HACE1: variants seen among roughly 807,000 people sequenced by gnomAD.
HACE1 encodes the protein E3 ubiquitin-protein ligase HACE1.
HACE1 carries 73 observed loss-of-function variants against 118.4 expected under a neutral mutation model. The ratio of observed to expected loss-of-function variants is 0.62; its 90% CI spans 0.51 to 0.75. The LOEUF (loss-of-function observed/expected upper bound fraction) is 0.75, where lower values mean the gene tolerates loss of function less well. Among genes scored for constraint, HACE1 ranks in the 30% least tolerant of loss-of-function variants. HACE1 has a pLI of 0.00. For missense variants in HACE1, 749 were observed against 1,102.2 expected (o/e 0.68, Z 4.54); for synonymous variants, 368 against 374.8 (o/e 0.98, Z 0.21).
chr6:104,758,573 C>T (rs907110276), intron 19 of HACE1, among the ~76,000 whole-genome samples: 7 of 152,136 alleles, frequency 4.6e-5, no homozygotes, highest in Non-Finnish European at 8.8e-5. Context: ...AAGTAACAAC[C>T]GGTACCAGCC....
rs746431171 is a variant in HACE1 at position 104,859,557 on chromosome 6, C to A, written c.76+10G>T. The A allele has an allele frequency of 1.3e-6, 2 of 1,514,666 alleles. No homozygotes were observed. The highest frequency in any genetic ancestry group is 1.8e-6 in the Non-Finnish European group (2 of 1,137,126). The allele number at this position is 1,514,666 out of a possible 1,614,324, so 93.8% of individuals were successfully genotyped here. On this transcript the variant is annotated intron_variant, in intron 1 of 23. Transcript: ENST00000262903. ...CCCCGCGGCCAGCCTGGCCCCGCGA[C>A]CCGGCTCACCCTCGGGCAACTCCAC... is the stretch of plus-strand genomic sequence containing the variant.
At chr6:104,788,022 T>C (rs551744914) in intron 11 of HACE1, among the ~76,000 whole-genome samples, 22 of 152,244 alleles carry the variant, frequency 1.4e-4, no homozygotes, top group South Asian at 8.3e-4. Context: ...GTTTTCTCTT[T>C]GAAGATCTAT....
intron 14 of HACE1, among the ~76,000 whole-genome samples, chr6:104,779,549 TA>T (rs1261750040): frequency 6.6e-6 from 1 of 152,174 alleles, no homozygotes; most frequent in Non-Finnish European, 1.5e-5. Flanking sequence ...ACTGTGCATA[TA>T]AATTAAATAT....
intron 17 of HACE1, among the ~76,000 whole-genome samples, chr6:104,773,817 A>G (rs1215432321): frequency 6.6e-6 from 1 of 151,604 alleles, no homozygotes; most frequent in African/African-American, 2.4e-5. Context: ...TCAGAAAAGG[A>G]GTAACAGTTT....
At chr6:104,834,896 G>A (rs562973537) in intron 5 of HACE1, among the ~76,000 whole-genome samples, 1 of 152,206 alleles carries the variant, frequency 6.6e-6, no homozygotes, top group African/African-American at 2.4e-5. Context: ...TGCAAGGCCA[G>A]TAATGGCCCC....
At chr6:104,762,218 T>C (rs1159882011) in intron 19 of HACE1, among the ~76,000 whole-genome samples, 5 of 152,208 alleles carry the variant, frequency 3.3e-5, no homozygotes, top group African/African-American at 1.2e-4. Context: ...CAAAGGATTA[T>C]AAATCACGCT....
At chr6:104,771,113 G>T in intron 19 of HACE1, 80 bp downstream of exon 19, 1 of 991,216 alleles carries the variant, frequency 1.0e-6, no homozygotes, top group Non-Finnish European at 1.6e-6. Context: ...TTCTACAAGT[G>T]CCAGAAGAAT....
chr6:104,800,580 G>C (rs1371334369), intron 7 of HACE1, among the ~76,000 whole-genome samples: 1 of 152,122 alleles, frequency 6.6e-6, no homozygotes, highest in Non-Finnish European at 1.5e-5. Flanking sequence ...AGGCAAACAG[G>C]GTCTGGAATG....
intron 6 of HACE1, among the ~76,000 whole-genome samples, chr6:104,828,221 T>C (rs1165607236): frequency 6.6e-6 from 1 of 152,020 alleles, no homozygotes; most frequent in Non-Finnish European, 1.5e-5. Flanking sequence ...TTGCTAAAAC[T>C]GAAATTAAAA....
chr6:104,859,406 G>C (rs1445474146), intron 1 of HACE1, 161 bp downstream of exon 1: 7 of 601,148 alleles, frequency 1.2e-5, no homozygotes, highest in Non-Finnish European at 2.0e-5. Context: ...TCGGGCCAGG[G>C]GAGTTCGGGG....
chr6:104,730,620 T>C (rs1473922289), intron 22 of HACE1: 3 of 556,242 alleles, frequency 5.4e-6, no homozygotes, highest in Non-Finnish European at 9.8e-6. Flanking sequence ...CCCCTCCACA[T>C]TTCCATAAGC....
chr6:104,807,752 G>A (rs770929061), intron 7 of HACE1, among the ~76,000 whole-genome samples: 2 of 152,168 alleles, frequency 1.3e-5, no homozygotes, highest in Admixed American at 6.6e-5. Context: ...GAAGGAATGA[G>A]TTAATTAGTT....
intron 22 of HACE1, among the ~76,000 whole-genome samples, chr6:104,738,730 T>C (rs1417067447): frequency 3.4e-5 from 5 of 146,722 alleles, no homozygotes; most frequent in Non-Finnish European, 7.4e-5. Flanking sequence ...TGGAACCAAG[T>C]TGGAAAACAC....
intron 18 of HACE1, among the ~76,000 whole-genome samples, chr6:104,771,644 T>C (rs1780609818): frequency 6.6e-6 from 1 of 150,746 alleles, no homozygotes; most frequent in Non-Finnish European, 1.5e-5. Context: ...AAAATGCCAA[T>C]TATCTTAAGT....
intron 20 of HACE1, among the ~76,000 whole-genome samples, chr6:104,747,288 T>C (rs1376520311): frequency 6.6e-6 from 1 of 152,134 alleles, no homozygotes. Context: ...GGTTCTATCA[T>C]GGATAAATTC....
rs1249900452 is a variant in HACE1 at position 104,740,159 on chromosome 6, T to G, written c.2513+4001A>C. ...AACATACCAGAATCTCTGGGATGCA[T>G]TCAAAGCAGTGTGTAGAGGGAAATT... On this transcript the variant is annotated intron_variant, in intron 22 of 23. Transcript: ENST00000262903. Among the ~76,000 whole-genome samples the G allele has an allele frequency of 5.5e-5, 8 of 145,400 alleles. No homozygotes were observed. In the South Asian group the frequency reaches 1.3e-3, roughly 24 times the overall value.
chr6:104,832,381 TTTGTTG>T (rs3035082), intron 6 of HACE1, among the ~76,000 whole-genome samples: 16 of 150,932 alleles, frequency 1.1e-4, no homozygotes, highest in African/African-American at 2.9e-4. Flanking sequence ...TTTCCTGTTT[TTTGTTG>T]TTGTTGTTGT....
chr6:104,833,171 T>TGA lies in HACE1; in HGVS notation c.404_405insTC (p.Trp137IlefsTer5). The TGA allele has an allele frequency of 6.2e-7, 1 of 1,613,436 alleles. No homozygotes were observed. On this transcript the variant is annotated frameshift_variant and splice_region_variant, in exon 6 of 24. Coordinates refer to ENST00000262903, the MANE Select transcript of HACE1 (RefSeq NM_020771.4). LOFTEE classifies it high-confidence loss of function. ...TCCGCCCATTCACAGCCAGCCAATG[T>TGA]ATCTGTGAAGCCATTTAGTTACTTA...
intron 19 of HACE1, among the ~76,000 whole-genome samples, chr6:104,764,348 G>A (rs1037109683): frequency 2.0e-4 from 30 of 152,166 alleles, no homozygotes; most frequent in Non-Finnish European, 3.8e-4. Flanking sequence ...AAAGTGCTGG[G>A]ATTACAGGTG....
Sources: allele counts gnomAD v4.1 joint callset (sites outside exome capture counted in the v4.1 genomes callset), GRCh38; gene constraint gnomAD v4.1.1; transcripts MANE v1.5; gene names NCBI Gene and HGNC (gene_info 2026-07-23, HGNC 2026-07-21).